The following MCPH1 variants were observed in gnomAD, a reference collection of about 807,000 sequenced individuals.
MCPH1 encodes microcephalin.
In MCPH1, 104 loss-of-function variants were observed where a neutral mutation model predicts 84.5. The observed-to-expected ratio is 1.23, with a 90% CI of 1.05 to 1.45. MCPH1 has a LOEUF of 1.45. Ranked by LOEUF, MCPH1 falls within the 40% of genes most tolerant of loss-of-function variation. MCPH1 has a pLI of 0.00. For synonymous variants in MCPH1, 514 were observed against 366.8 expected (o/e 1.40, Z -4.58); for missense variants, 1,498 against 1,005.7 (o/e 1.49, Z -6.62).
At chr8:6,472,764 A>G (rs116490693) in intron 9 of MCPH1, among the ~76,000 whole-genome samples, 389 of 152,350 alleles carry the variant, frequency 2.6e-3, no homozygotes, top group African/African-American at 7.6e-3. Context: ...CACCATGTCC[A>G]GCCTCAGACA....
intron 12 of MCPH1, among the ~76,000 whole-genome samples, chr8:6,614,012 A>C (rs1205673805): frequency 1.3e-5 from 2 of 152,184 alleles, no homozygotes; most frequent in African/African-American, 4.8e-5. Context: ...CACAGGCTGC[A>C]GACATCGTTT....
chr8:6,446,449 C>A (rs751993874), intron 8 of MCPH1: 32 of 985,230 alleles, frequency 3.2e-5, no homozygotes, highest in Non-Finnish European at 3.7e-5. Context: ...CATACCTTTT[C>A]CTTGAGTATA....
rs774647639 is a variant in MCPH1, at chr8:6,445,260, C to G, written c.1538C>G (p.Ala513Gly). The change falls in exon 8 of 14, where the codon GCT (alanine) becomes GGT (glycine). Residue 513 changes from alanine to glycine, a missense_variant. By Grantham distance (60) the Ala-to-Gly change is moderately conservative. Transcript: ENST00000344683. The stretch of plus-strand genomic sequence containing the variant: ...GAAGCCCTAAGGTGTTGTAGACAGG[C>G]TGGGAAAGAAGACGCATGCCCAGAG... ...PEEALRCCRQ[A>G]GKEDACPEGN... 12 of 1,614,178 alleles carry G rather than the reference C, an allele frequency of 7.4e-6. No individual in the cohort carries two copies. The South Asian group carries it at 1.1e-4, about 15-fold the overall frequency.
At chr8:6,432,418 G>C (rs1340006824) in intron 4 of MCPH1, among the ~76,000 whole-genome samples, 1 of 152,060 alleles carries the variant, frequency 6.6e-6, no homozygotes, top group Admixed American at 6.5e-5. Context: ...TGAATCCATA[G>C]ATCTGGAACT....
chr8:6,561,564 C>G (rs149595380), intron 12 of MCPH1, among the ~76,000 whole-genome samples: 1 of 152,198 alleles, frequency 6.6e-6, no homozygotes, highest in East Asian at 1.9e-4. Flanking sequence ...TAGGGTCATG[C>G]GTCAAATGAG....
chr8:6,503,906 G>A (rs371020843), intron 12 of MCPH1, among the ~76,000 whole-genome samples: 1 of 152,178 alleles, frequency 6.6e-6, no homozygotes, highest in Non-Finnish European at 1.5e-5. Context: ...GAGCATGCTG[G>A]GGTTTGTGAG....
At chr8:6,422,619 A>G (rs1444802882) in intron 3 of MCPH1, among the ~76,000 whole-genome samples, 1 of 152,122 alleles carries the variant, frequency 6.6e-6, no homozygotes, top group Admixed American at 6.5e-5. Context: ...GCCCACCACT[A>G]ACCCCAGCCT....
intron 11 of MCPH1, among the ~76,000 whole-genome samples, chr8:6,496,993 G>C (rs924404150): frequency 1.3e-5 from 2 of 151,808 alleles, no homozygotes; most frequent in African/African-American, 4.8e-5. Flanking sequence ...CAGTGTTTTT[G>C]CTTATGAAAT....
At chr8:6,588,805 T>C (rs150430033) in intron 12 of MCPH1, among the ~76,000 whole-genome samples, 24 of 152,374 alleles carry the variant, frequency 1.6e-4, no homozygotes, top group African/African-American at 5.5e-4. Context: ...TCTCACCAGC[T>C]GCCCTTGGGC....
At chr8:6,482,660 T>C (rs1160248528) in intron 11 of MCPH1, among the ~76,000 whole-genome samples, 1 of 152,236 alleles carries the variant, frequency 6.6e-6, no homozygotes, top group Non-Finnish European at 1.5e-5. Context: ...CTGCCTTTGC[T>C]GTCGACATGG....
rs1257159367 is a variant in MCPH1, at chr8:6,643,224, G to T, written c.*175G>T. The T allele has an allele frequency of 1.5e-6, 1 of 675,600 alleles. No individual in the cohort carries two copies. Among genetic ancestry groups the T allele is most frequent in the African/African-American group, 1.8e-5 (1 of 55,866 alleles). The allele number at this position is 675,600 out of a possible 1,614,324, so 41.9% of individuals were successfully genotyped here. Reference sequence around the variant, plus strand: ...ACTCATAGGTGACTTTCTGATGACTGAATGTCTGTTTCAGAGACGCTTCGG... The same window carrying T: ...ACTCATAGGTGACTTTCTGATGACTTAATGTCTGTTTCAGAGACGCTTCGG... On this transcript the variant is annotated 3_prime_UTR_variant, in exon 14 of 14. Coordinates refer to ENST00000344683, the MANE Select transcript of MCPH1 (RefSeq NM_024596.5).
intron 3 of MCPH1, among the ~76,000 whole-genome samples, chr8:6,415,142 A>C (rs1039055592): frequency 1.3e-5 from 2 of 152,026 alleles, no homozygotes; most frequent in Non-Finnish European, 2.9e-5. Flanking sequence ...CTTAGGAAGC[A>C]AGAGGGAATG....
chr8:6,477,338 T>TG (rs912878889), intron 9 of MCPH1: 9 of 456,194 alleles, frequency 2.0e-5, no homozygotes, highest in Non-Finnish European at 3.1e-5. Context: ...AACAGATTCC[T>TG]GGGGGAAATT....
rs369975394 is a variant in MCPH1 at position 6,564,816 on chromosome 8, A to G, written c.2215-56638A>G. 4.3e-4 allele frequency among the ~76,000 whole-genome samples: 66 copies of G among 152,368 alleles called. No individual in the cohort carries two copies. The East Asian group carries it at 6.2e-3, about 14-fold the overall frequency. On this transcript the variant is annotated intron_variant, in intron 12 of 13. Transcript: ENST00000344683. ...ATTTGCTGCCACAATACTCAGAACT[A>G]CATTTTTATTAAACCCAGCCCTAGA...
At chr8:6,623,164 A>T (rs1586844813) in intron 13 of MCPH1, among the ~76,000 whole-genome samples, 1 of 151,956 alleles carries the variant, frequency 6.6e-6, no homozygotes, top group East Asian at 1.9e-4. Context: ...CAGTGGCATC[A>T]TTTTAACTTG....
Position 6,445,501 on chromosome 8 carries a change from G to C in MCPH1, c.1779G>C (p.Glu593Asp), listed in dbSNP as rs750376557. Residue 593 changes from glutamate (E) to aspartate (D), a missense_variant, in exon 8 of 14, where the codon GAG becomes GAC. Glu to Asp is a conservative substitution (Grantham distance 45, BLOSUM62 2). Transcript: ENST00000344683. ...GTTTTATAGTTGACTGTAACATGGA[G>C]ACGTCTACAGAAGAGAAGGAAAACT... is the stretch of plus-strand genomic sequence containing the variant. ...EPCFIVDCNM[E>D]TSTEEKENLP... The C allele has an allele frequency of 4.3e-5, 70 of 1,612,160 alleles. No individual in the cohort carries two copies. The highest frequency in any genetic ancestry group is 5.8e-5 in the Non-Finnish European group (69 of 1,179,502).
intron 12 of MCPH1, among the ~76,000 whole-genome samples, chr8:6,574,846 A>T (rs1826939799): frequency 6.6e-6 from 1 of 152,234 alleles, no homozygotes; most frequent in Non-Finnish European, 1.5e-5. Context: ...GAGAGAGAAC[A>T]GGGCAGGCAA....
intron 12 of MCPH1, chr8:6,521,520 T>C: frequency 1.2e-6 from 1 of 800,622 alleles, no homozygotes; most frequent in South Asian, 2.0e-5. Context: ...GTAGTGGTTA[T>C]AAAGTAATAT....
intron 12 of MCPH1, among the ~76,000 whole-genome samples, chr8:6,538,894 GATATTCTAT>G (rs1043585087): frequency 1.3e-5 from 2 of 152,176 alleles, no homozygotes; most frequent in African/African-American, 4.8e-5. Flanking sequence ...TAAATCCAGG[GATATTCTAT>G]TTGGGAGGCT....
Sources: gnomAD v4.1 joint callset for allele counts (sites outside exome capture counted in the v4.1 genomes callset) on GRCh38, gnomAD v4.1.1 for gene constraint, MANE v1.5 for transcripts, NCBI Gene and HGNC (gene_info 2026-07-23, HGNC 2026-07-21) for gene names.